The following CRIM1 variants were observed in gnomAD, a reference collection of about 807,000 sequenced individuals.
CRIM1 encodes the protein cysteine rich transmembrane BMP regulator 1, also known as cysteine-rich motor neuron 1 protein.
Under a neutral mutation model 116.4 loss-of-function variants are expected in CRIM1, and 32 were observed. That is an observed-to-expected ratio of 0.27 (90% CI 0.21 to 0.37). CRIM1 has a LOEUF of 0.37. Among genes scored for constraint, CRIM1 ranks in the 10% least tolerant of loss-of-function variants. CRIM1 has a pLI of 1.00. For missense variants in CRIM1, 1,331 were observed against 1,354.8 expected (o/e 0.98, Z 0.28); for synonymous variants, 590 against 509.2 (o/e 1.16, Z -2.13).
chr2:36,529,495 AT>A (rs1186841487), intron 13 of CRIM1: 1 of 218,808 alleles, frequency 4.6e-6, no homozygotes, highest in Non-Finnish European at 9.4e-6. Context: ...ACATTTTTAT[AT>A]TTCCAAAATG....
At chr2:36,545,521 T>G (rs1428648774) in intron 15 of CRIM1, among the ~76,000 whole-genome samples, 4 of 152,190 alleles carry the variant, frequency 2.6e-5, no homozygotes, top group African/African-American at 9.6e-5. Context: ...AATTTTCTCA[T>G]GCATCAATAG....
chr2:36,427,174 C>G (rs1190087135), intron 2 of CRIM1, among the ~76,000 whole-genome samples: 1 of 151,112 alleles, frequency 6.6e-6, no homozygotes, highest in African/African-American at 2.4e-5. Flanking sequence ...GCACTCCAGC[C>G]TGGGTGACAG....
In CRIM1 at chr2:36,458,074, C is replaced by A. The variant is rs1320739161; in HGVS notation, c.870-6460C>A. 2.6e-5 allele frequency among the ~76,000 whole-genome samples: 4 copies of A among 152,166 alleles called. No homozygotes were observed. The East Asian group carries it at 7.7e-4, about 29-fold the overall frequency. On this transcript the variant is annotated intron_variant, in intron 4 of 16. Coordinates refer to ENST00000280527, the MANE Select transcript of CRIM1 (RefSeq NM_016441.3). ...TTTTGAAGGCCTCAAGCACTCACTT[C>A]CGGTGTGTAGTAGATCCAGTATTGA...
chr2:36,538,949 C>G (rs748912924), intron 14 of CRIM1, among the ~76,000 whole-genome samples: 1 of 152,156 alleles, frequency 6.6e-6, no homozygotes. Flanking sequence ...ATTTATTTCA[C>G]GAAGAGTCAT....
intron 1 of CRIM1, among the ~76,000 whole-genome samples, chr2:36,387,644 G>A (rs1157540780): frequency 1.3e-5 from 2 of 152,162 alleles, no homozygotes; most frequent in African/African-American, 4.8e-5. Context: ...ACCTACCTTG[G>A]TGATTTAAAA....
intron 7 of CRIM1, among the ~76,000 whole-genome samples, chr2:36,485,227 A>G (rs747419088): frequency 2.0e-5 from 3 of 152,172 alleles, no homozygotes; most frequent in African/African-American, 2.4e-5. Context: ...AAAATCCACT[A>G]TCTTTCTTCC....
At chr2:36,386,429 A>G (rs995149304) in intron 1 of CRIM1, among the ~76,000 whole-genome samples, 4 of 152,228 alleles carry the variant, frequency 2.6e-5, no homozygotes, top group Non-Finnish European at 5.9e-5. Context: ...TTGCGCTAAT[A>G]TTAATATTTC....
In CRIM1 at chr2:36,474,039, A is replaced by G. The variant is rs114554992; in HGVS notation, c.992-2850A>G. Among the ~76,000 whole-genome samples the G allele has an allele frequency of 2.3e-3, 349 of 152,306 alleles. 4 individuals are homozygous for G. Among genetic ancestry groups the G allele is most frequent in the African/African-American group, 7.0e-3 (292 of 41,570 alleles). Reference sequence around the variant, plus strand: ...TTACTATTTTTTAATTATATCCATCATAGTGGGTGTGAAATGGTGTTCATT... The same window carrying G: ...TTACTATTTTTTAATTATATCCATCGTAGTGGGTGTGAAATGGTGTTCATT... On this transcript the variant is annotated intron_variant, in intron 5 of 16. Transcript: ENST00000280527.
At position 36,475,498 on chromosome 2, in the gene CRIM1, T is replaced by C. The variant is rs531456999; in HGVS notation, c.992-1391T>C. On this transcript the variant is annotated intron_variant, in intron 5 of 16. Transcript: ENST00000280527. ...TTTTAGTGGATCCCTTAAAACTGTT[T>C]ACATACAAGATCATGTCATCTGCAA... is the stretch of plus-strand genomic sequence containing the variant. Among the ~76,000 whole-genome samples the C allele has an allele frequency of 7.9e-5, 12 of 152,362 alleles. No individual in the cohort carries two copies. The East Asian group carries it at 1.9e-3, about 24-fold the overall frequency.
chr2:36,484,871 G>A (rs895163423), intron 7 of CRIM1, among the ~76,000 whole-genome samples: 3 of 152,194 alleles, frequency 2.0e-5, no homozygotes, highest in Non-Finnish European at 2.9e-5. Flanking sequence ...CGTGCTAGCG[G>A]TTGGGCAAAT....
chr2:36,526,481 C>T (rs1034223754), intron 13 of CRIM1, among the ~76,000 whole-genome samples: 2 of 152,204 alleles, frequency 1.3e-5, no homozygotes, highest in African/African-American at 4.8e-5. Context: ...TTTCTCAAAC[C>T]TTGCCAGAGC....
intron 4 of CRIM1, among the ~76,000 whole-genome samples, chr2:36,460,857 G>T (rs754927509): frequency 1.8e-4 from 27 of 152,170 alleles, no homozygotes; most frequent in Admixed American, 7.9e-4. Flanking sequence ...GTGTTTGGGG[G>T]TTCAGAGAAG....
chr2:36,438,179 A>G (rs1043448386), intron 2 of CRIM1, among the ~76,000 whole-genome samples: 5 of 152,062 alleles, frequency 3.3e-5, no homozygotes, highest in Admixed American at 6.6e-5. Flanking sequence ...AAGATCTAAT[A>G]TGTTGGGTTT....
At chr2:36,426,454 G>A (rs969538002) in intron 2 of CRIM1, among the ~76,000 whole-genome samples, 2 of 152,256 alleles carry the variant, frequency 1.3e-5, no homozygotes, top group African/African-American at 4.8e-5. Flanking sequence ...CATTGTGTAT[G>A]TTTTTTAAAT....
At chr2:36,500,942 C>T (rs1207831991) in intron 8 of CRIM1, among the ~76,000 whole-genome samples, 4 of 152,112 alleles carry the variant, frequency 2.6e-5, no homozygotes, top group Non-Finnish European at 5.9e-5. Context: ...GTTATAGGGG[C>T]CTGGCTTATT....
At chr2:36,539,442 G>C (rs961084074) in intron 14 of CRIM1, among the ~76,000 whole-genome samples, 6 of 152,190 alleles carry the variant, frequency 3.9e-5, no homozygotes, top group Non-Finnish European at 7.3e-5. Context: ...AAAGGGTCTC[G>C]CAGATGAGTG....
chr2:36,525,588 C>T (rs544224395), intron 13 of CRIM1, among the ~76,000 whole-genome samples: 12 of 152,310 alleles, frequency 7.9e-5, no homozygotes, highest in Non-Finnish European at 1.3e-4. Flanking sequence ...GACCAGTGCT[C>T]GCATTGTTTC....
At chr2:36,361,816 ATG>A (rs1452407120) in intron 1 of CRIM1, among the ~76,000 whole-genome samples, 2 of 152,302 alleles carry the variant, frequency 1.3e-5, no homozygotes, top group African/African-American at 4.8e-5. Flanking sequence ...TGTGTTCCGT[ATG>A]GCACGTTTGG....
intron 2 of CRIM1, among the ~76,000 whole-genome samples, chr2:36,411,960 A>C (rs542755414): frequency 6.6e-6 from 1 of 152,312 alleles, no homozygotes; most frequent in East Asian, 1.9e-4. Flanking sequence ...AACCACACCC[A>C]ACTTTGCAAT....
Sources: allele counts gnomAD v4.1 joint callset (sites outside exome capture counted in the v4.1 genomes callset), GRCh38; gene constraint gnomAD v4.1.1; transcripts MANE v1.5; gene names NCBI Gene and HGNC (gene_info 2026-07-23, HGNC 2026-07-21).